UVSSA: variants seen among roughly 807,000 people sequenced by gnomAD.
UVSSA encodes the protein UV-stimulated scaffold protein A.
Under a neutral mutation model 73.9 loss-of-function variants are expected in UVSSA, and 72 were observed. That is an observed-to-expected ratio of 0.97 (90% CI 0.81 to 1.19). The LOEUF (loss-of-function observed/expected upper bound fraction) is 1.19, where lower values mean the gene tolerates loss of function less well. Among genes scored for constraint, UVSSA ranks in the 50% most tolerant of loss-of-function variants. The probability of loss-of-function intolerance (pLI) is 0.00; values close to 1 mark genes in which losing one functional copy is unlikely to be tolerated. For missense variants in UVSSA, 1,150 were observed against 965.0 expected, an observed-to-expected ratio of 1.19 and a Z score of -2.54; for synonymous variants, 454 against 391.3, an observed-to-expected ratio of 1.16 and a Z score of -1.89.
chr4:1,348,239 G>A (rs777126203), intron 2 of UVSSA, 50 bp downstream of exon 2: 27 of 1,428,130 alleles, frequency 1.9e-5, no homozygotes, highest in Non-Finnish European at 2.5e-5. Context: ...CTGAGCCCAG[G>A]ACACACACAG....
chr4:1,371,574 C>T lies in UVSSA; in HGVS notation c.1289-3790C>T, dbSNP rs191213692. 2.3e-3 allele frequency among the ~76,000 whole-genome samples: 350 copies of T among 152,282 alleles called. 1 individual carries two copies. The highest frequency in any genetic ancestry group is 0.014 in the Middle Eastern group (4 of 294). On this transcript the variant is annotated intron_variant, in intron 8 of 13. Transcript: ENST00000389851. ...GAAGAAAGAGGTTTACTGGACTTAG[C>T]GTTCCACATGGCTGGGGAGGCCTCA...
chr4:1,392,481 CTTTG>C (rs1287823364), downstream of UVSSA: 1 of 152,198 alleles, frequency 6.6e-6, no homozygotes, highest in Admixed American at 6.5e-5. Context: ...AATGAATTCT[CTTTG>C]TTTTTGTTTA....
At chr4:1,346,914 C>G (rs1335637915), upstream of UVSSA, among the ~76,000 whole-genome samples, 1 of 152,268 alleles carries the variant, frequency 6.6e-6, no homozygotes, top group Non-Finnish European at 1.5e-5. Flanking sequence ...CAGCCTGCCT[C>G]GCCCTCGCCG....
At chr4:1,360,144 G>A (rs1231092430) in intron 7 of UVSSA, among the ~76,000 whole-genome samples, 1 of 152,230 alleles carries the variant, frequency 6.6e-6, no homozygotes, top group Non-Finnish European at 1.5e-5. Context: ...AGGCCAAGCC[G>A]CTGTGTGCGC....
intron 8 of UVSSA, among the ~76,000 whole-genome samples, chr4:1,367,803 C>G (rs574148949): frequency 2.0e-5 from 3 of 152,204 alleles, no homozygotes; most frequent in African/African-American, 7.2e-5. Flanking sequence ...CCCCTTCCCC[C>G]ACCGAGACGC....
chr4:1,371,320 G>A (rs186467239), intron 8 of UVSSA, among the ~76,000 whole-genome samples: 11 of 151,844 alleles, frequency 7.2e-5, no homozygotes, highest in East Asian at 3.9e-4. Flanking sequence ...ATGACTTTCC[G>A]GGTGTCTGAG....
intron 8 of UVSSA, among the ~76,000 whole-genome samples, chr4:1,373,000 A>G (rs1436522754): frequency 6.6e-6 from 1 of 152,098 alleles, no homozygotes; most frequent in Non-Finnish European, 1.5e-5. Flanking sequence ...GGACCTCACC[A>G]TGGCAAACCT....
upstream of UVSSA, among the ~76,000 whole-genome samples, chr4:1,342,637 C>T (rs1713470871): frequency 6.6e-6 from 1 of 152,186 alleles, no homozygotes; most frequent in Non-Finnish European, 1.5e-5. Context: ...AAGTCTGTAA[C>T]ACATCTCTTA....
chr4:1,380,949 C>T lies in UVSSA; in HGVS notation c.1822C>T (p.Arg608Cys), dbSNP rs201799212. ...GRPLDPEDRA[R>C]EQRRQLQKQE... ...GCCGCTCGACCCGGAAGACAGGGCT[C>T]GTGAGCAGCGGCGGCAGCTGCAGAA... The change falls in exon 12 of 14, where the codon CGT becomes TGT. Residue 608 changes from arginine (R) to cysteine (C), a missense_variant. By Grantham distance (180) the Arg-to-Cys change is radical. Coordinates refer to ENST00000389851, the MANE Select transcript of UVSSA (RefSeq NM_020894.4). The T allele has an allele frequency of 2.4e-4, 381 of 1,612,930 alleles. No homozygotes were observed. Among genetic ancestry groups the T allele is most frequent in the Admixed American group, 6.0e-4 (36 of 60,012 alleles).
intron 7 of UVSSA, among the ~76,000 whole-genome samples, chr4:1,360,178 CG>C (rs1047404761): frequency 6.6e-5 from 10 of 152,332 alleles, no homozygotes; most frequent in African/African-American, 2.4e-4. Context: ...GGGCTGCCCA[CG>C]GGGGGCGGGG....
At chr4:1,392,757 T>C (rs1423046752), downstream of UVSSA, 1 of 152,244 alleles carries the variant, frequency 6.6e-6, no homozygotes, top group Non-Finnish European at 1.5e-5. Context: ...TAGAGGTTAA[T>C]ATTTCTTGTA....
chr4:1,394,403 AT>A, exon 14 of UVSSA: 1 of 1,542,432 alleles, frequency 6.5e-7, no homozygotes. Context: ...TATGGGTTTC[AT>A]TTTCATATTG....
At chr4:1,348,418 C>T (rs960246041) in intron 2 of UVSSA, among the ~76,000 whole-genome samples, 2 of 152,274 alleles carry the variant, frequency 1.3e-5, no homozygotes, top group African/African-American at 2.4e-5. Flanking sequence ...TCTTCATTCC[C>T]ATTTGTGTGG....
At chr4:1,394,721 C>G (rs1245303382) in exon 14 of UVSSA, 1 of 1,568,076 alleles carries the variant, frequency 6.4e-7, no homozygotes, top group African/African-American at 1.5e-5. Flanking sequence ...ACACACGTGT[C>G]CATGTGGAGT....
upstream of UVSSA, among the ~76,000 whole-genome samples, chr4:1,344,600 G>C (rs775299246): frequency 3.9e-5 from 6 of 152,140 alleles, no homozygotes; most frequent in Non-Finnish European, 5.9e-5. Flanking sequence ...GATTTATCTT[G>C]GCTTTCTAAT....
At position 1,347,778 on chromosome 4, in the gene UVSSA, C is replaced by T. The variant is rs1475083596; in HGVS notation, c.-3+18C>T. 6.8e-6 allele frequency: 2 copies of T among 293,634 alleles called. No individual in the cohort carries two copies. Among genetic ancestry groups the T allele is most frequent in the East Asian group, 7.7e-5 (1 of 12,922 alleles). 18.2% of individuals were successfully genotyped at this position (293,634 alleles called of 1,614,324 possible). On this transcript the variant is annotated intron_variant, in intron 1 of 13. Transcript: ENST00000389851. The stretch of plus-strand genomic sequence containing the variant: ...GAATCTGAGTGAATAAGGGAAACAG[C>T]AACAGTCACGTTGGGGAAAAGCTGA...
At chr4:1,363,830 G>A (rs62295229) in intron 7 of UVSSA, among the ~76,000 whole-genome samples, 305 of 152,362 alleles carry the variant, frequency 2.0e-3, no homozygotes, top group Non-Finnish European at 3.6e-3. Context: ...ATCAGTGTTA[G>A]ACTGATAACA....
At chr4:1,361,341 C>T (rs1356971781) in intron 7 of UVSSA, among the ~76,000 whole-genome samples, 1 of 152,184 alleles carries the variant, frequency 6.6e-6, no homozygotes, top group Non-Finnish European at 1.5e-5. Context: ...CTGGGTTAGA[C>T]GAGAATGGGA....
In UVSSA at chr4:1,383,772, A is replaced by G. The variant is rs1213627749; in HGVS notation, c.1868A>G (p.Gln623Arg). The G allele has an allele frequency of 1.2e-6, 2 of 1,613,356 alleles. No individual in the cohort carries two copies. The highest frequency in any genetic ancestry group is 3.3e-5 in the Admixed American group (2 of 60,024). Residue 623 changes from glutamine to arginine, a missense_variant, in exon 13 of 14, where the codon CAG (glutamine) becomes CGG (arginine). Transcript: ENST00000389851. ...GCTTGAGTTTTGTTTGCAGAATGGC[A>G]GGACCCTGAGTTGATGAGAGACGTG... ...QLQKQERPEWQDPELMRDVEA... is the reference protein window; with the variant it reads ...QLQKQERPEWRDPELMRDVEA...
Sources: gnomAD v4.1 joint callset for allele counts (sites outside exome capture counted in the v4.1 genomes callset) on GRCh38, gnomAD v4.1.1 for gene constraint, MANE v1.5 for transcripts, NCBI Gene and HGNC (gene_info 2026-07-23, HGNC 2026-07-21) for gene names.